Variants in RBMS3 observed in about 807,000 individuals in gnomAD.
RBMS3 encodes the protein RNA binding motif single stranded interacting protein 3.
In RBMS3, 27 loss-of-function variants were observed where a neutral mutation model predicts 66.8. The ratio of observed to expected loss-of-function variants is 0.40; its 90% confidence interval spans 0.30 to 0.56. The LOEUF (loss-of-function observed/expected upper bound fraction) is 0.56, where lower values mean the gene tolerates loss of function less well. Among genes scored for constraint, RBMS3 ranks in the 20% least tolerant of loss-of-function variants. The pLI is 0.40. For synonymous variants in RBMS3, 188 were observed against 183.0 expected, an observed-to-expected ratio of 1.03 and a Z score of -0.22; for missense variants, 513 against 549.5, an observed-to-expected ratio of 0.93 and a Z score of 0.66.
intron 3 of RBMS3, among the ~76,000 whole-genome samples, chr3:29,568,777 G>C (rs1238008744): frequency 6.6e-6 from 1 of 152,150 alleles, no homozygotes; most frequent in African/African-American, 2.4e-5. Context: ...CCTAATATTA[G>C]AATTGTCCAG....
chr3:29,480,944 A>C (rs1216370123), intron 2 of RBMS3, among the ~76,000 whole-genome samples: 3 of 152,122 alleles, frequency 2.0e-5, no homozygotes, highest in Non-Finnish European at 4.4e-5. Flanking sequence ...GAGACAGGAG[A>C]ATGGCAGGTG....
intron 8 of RBMS3, among the ~76,000 whole-genome samples, chr3:29,887,271 G>A (rs1398352065): frequency 6.6e-6 from 1 of 151,832 alleles, no homozygotes; most frequent in Non-Finnish European, 1.5e-5. Context: ...AGTGAAGAAA[G>A]ATGATGATAT....
intron 12 of RBMS3, among the ~76,000 whole-genome samples, chr3:29,964,418 G>T (rs1696689678): frequency 6.6e-6 from 1 of 152,218 alleles, no homozygotes; most frequent in African/African-American, 2.4e-5. Context: ...ATTAGATCTA[G>T]TGGCATGTGC....
At chr3:29,612,421 AT>A (rs1161886358) in intron 4 of RBMS3, among the ~76,000 whole-genome samples, 2 of 151,992 alleles carry the variant, frequency 1.3e-5, no homozygotes, top group Non-Finnish European at 2.9e-5. Context: ...ATGAATATCA[AT>A]TTTTCCCAAT....
intron 12 of RBMS3, among the ~76,000 whole-genome samples, chr3:29,950,765 G>A (rs534756688): frequency 2.6e-5 from 4 of 151,752 alleles, no homozygotes; most frequent in Admixed American, 2.6e-4. Context: ...TATATTACAC[G>A]AACATTTAAA....
At chr3:29,923,716 T>A (rs1231895251) in intron 10 of RBMS3, among the ~76,000 whole-genome samples, 2 of 152,212 alleles carry the variant, frequency 1.3e-5, no homozygotes, top group Non-Finnish European at 2.9e-5. Flanking sequence ...GAAAACGTGT[T>A]TTTGCAATAA....
At chr3:29,699,051 CA>C (rs2052415709) in intron 4 of RBMS3, among the ~76,000 whole-genome samples, 1 of 152,034 alleles carries the variant, frequency 6.6e-6, no homozygotes, top group South Asian at 2.1e-4. Context: ...AATTGATAGG[CA>C]ATTGGCTTTG....
intron 4 of RBMS3, among the ~76,000 whole-genome samples, chr3:29,667,716 T>C (rs1282662899): frequency 1.3e-5 from 2 of 152,140 alleles, no homozygotes; most frequent in African/African-American, 4.8e-5. Flanking sequence ...GTTGAAGAAA[T>C]GAAGCACTGA....
intron 7 of RBMS3, among the ~76,000 whole-genome samples, chr3:29,869,885 T>A (rs987357151): frequency 1.3e-5 from 2 of 152,210 alleles, no homozygotes; most frequent in Admixed American, 1.3e-4. Context: ...TGTAGCATTT[T>A]ACACTTTCAA....
chr3:29,353,062 G>T (rs534787115), intron 1 of RBMS3, among the ~76,000 whole-genome samples: 10 of 151,700 alleles, frequency 6.6e-5, no homozygotes, highest in Non-Finnish European at 1.0e-4. Flanking sequence ...CTTTCTTATA[G>T]AATAATCTTA....
intron 4 of RBMS3, among the ~76,000 whole-genome samples, chr3:29,717,906 G>A (rs2053471954): frequency 6.6e-6 from 1 of 152,000 alleles, no homozygotes; most frequent in Non-Finnish European, 1.5e-5. Context: ...GTATTTCTCA[G>A]GGAAAATAAT....
intron 6 of RBMS3, among the ~76,000 whole-genome samples, chr3:29,859,039 A>G (rs764803856): frequency 1.3e-5 from 2 of 152,238 alleles, no homozygotes; most frequent in Non-Finnish European, 2.9e-5. Context: ...ACTGAGGGAT[A>G]AAATTAGGCA....
chr3:29,763,360 T>G (rs1013649231), intron 6 of RBMS3, among the ~76,000 whole-genome samples: 1 of 152,064 alleles, frequency 6.6e-6, no homozygotes, highest in African/African-American at 2.4e-5. Flanking sequence ...CACAAATTGA[T>G]GCCAGCCCTG....
At chr3:29,576,358 G>T (rs942966318) in intron 3 of RBMS3, among the ~76,000 whole-genome samples, 7 of 152,148 alleles carry the variant, frequency 4.6e-5, no homozygotes, top group African/African-American at 1.7e-4. Flanking sequence ...GAAACTGGAG[G>T]TGTGGTGATG....
chr3:29,414,361 T>C (rs1308385094), intron 1 of RBMS3, among the ~76,000 whole-genome samples: 1 of 152,238 alleles, frequency 6.6e-6, no homozygotes, highest in Non-Finnish European at 1.5e-5. Context: ...GCTGTCTGCT[T>C]CTTACTGCAC....
chr3:29,361,272 G>A (rs978434556), intron 1 of RBMS3, among the ~76,000 whole-genome samples: 1 of 151,968 alleles, frequency 6.6e-6, no homozygotes, highest in African/African-American at 2.4e-5. Context: ...GCATTTGCTT[G>A]TCTGTAAAGG....
intron 3 of RBMS3, among the ~76,000 whole-genome samples, chr3:29,554,829 C>A (rs1346759407): frequency 6.6e-6 from 1 of 152,046 alleles, no homozygotes; most frequent in Non-Finnish European, 1.5e-5. Context: ...GTCATATATT[C>A]CAGGAACTTG....
intron 6 of RBMS3, among the ~76,000 whole-genome samples, chr3:29,838,291 AGT>A (rs1185074499): frequency 2.0e-5 from 3 of 151,872 alleles, no homozygotes. Context: ...GTGAGACATG[AGT>A]GTGCCATTGT....
chr3:29,988,796 AAAG>A (rs1272544614), intron 13 of RBMS3, among the ~76,000 whole-genome samples: 13 of 152,312 alleles, frequency 8.5e-5, no homozygotes, highest in African/African-American at 3.1e-4. Context: ...AAGGAAAAAA[AAAG>A]AAATGTAGAC....
Sources: allele counts gnomAD v4.1 joint callset (sites outside exome capture counted in the v4.1 genomes callset), GRCh38; gene constraint gnomAD v4.1.1; transcripts MANE v1.5; gene names NCBI Gene and HGNC (gene_info 2026-07-23, HGNC 2026-07-21).